FBXL7: variants seen among roughly 807,000 people sequenced by gnomAD.
FBXL7 encodes the protein F-box and leucine rich repeat protein 7.
In FBXL7, 12 loss-of-function variants were observed where a neutral mutation model predicts 38.3. That is an observed-to-expected ratio of 0.31 (90% CI 0.20 to 0.51). FBXL7 has a LOEUF of 0.51. Ranked by LOEUF, FBXL7 falls within the 20% of genes least tolerant of loss-of-function variation. The pLI, the probability that FBXL7 is intolerant of heterozygous loss-of-function variation, is 0.98. For missense variants in FBXL7, 567 were observed against 676.4 expected (o/e 0.84, Z 1.79); for synonymous variants, 297 against 300.9 (o/e 0.99, Z 0.13).
intron 1 of FBXL7, among the ~76,000 whole-genome samples, chr5:15,511,928 A>G (rs373624113): frequency 2.6e-5 from 4 of 152,192 alleles, no homozygotes; most frequent in African/African-American, 7.2e-5. Context: ...GTGAATTACT[A>G]TAAGACAAAA....
At chr5:15,553,047 A>C (rs1439064151) in intron 1 of FBXL7, among the ~76,000 whole-genome samples, 2 of 150,850 alleles carry the variant, frequency 1.3e-5, no homozygotes, top group Non-Finnish European at 1.5e-5. Flanking sequence ...GTGCCACTGC[A>C]CTCCAGCCTG....
At chr5:15,746,717 A>G (rs575780108) in intron 2 of FBXL7, among the ~76,000 whole-genome samples, 9 of 152,188 alleles carry the variant, frequency 5.9e-5, no homozygotes, top group African/African-American at 2.2e-4. Context: ...AAAGTTATGG[A>G]CTAGATAAGA....
At chr5:15,620,653 C>T (rs1265833667) in intron 2 of FBXL7, among the ~76,000 whole-genome samples, 1 of 152,190 alleles carries the variant, frequency 6.6e-6, no homozygotes, top group Non-Finnish European at 1.5e-5. Flanking sequence ...CAGGGTTGCA[C>T]GCTGGCCCCA....
chr5:15,853,923 C>CATAT (rs1465054113), intron 2 of FBXL7, among the ~76,000 whole-genome samples: 1 of 152,184 alleles, frequency 6.6e-6, no homozygotes, highest in Non-Finnish European at 1.5e-5. Flanking sequence ...TCTTGAATGA[C>CATAT]ATATGGATAT....
Position 15,928,930 on chromosome 5 carries a change from C to T in FBXL7, c.739+429C>T, listed in dbSNP as rs1012322820. Among the ~76,000 whole-genome samples the T allele has an allele frequency of 6.6e-6, 1 of 152,128 alleles. No homozygotes were observed. Among genetic ancestry groups the T allele is most frequent in the Non-Finnish European group, 1.5e-5 (1 of 68,030 alleles). On this transcript the variant is annotated intron_variant, in intron 3 of 3. Transcript: ENST00000504595. The surrounding 1 kb of genome is among the most constrained non-coding windows in gnomAD (Gnocchi z 4.0). ...ACGACTTTTAAATGTCTTTACTCTT[C>T]ATAACTCTCACAGTTACTTCAGAGC...
At chr5:15,610,343 A>G (rs369768406) in intron 1 of FBXL7, among the ~76,000 whole-genome samples, 3 of 152,222 alleles carry the variant, frequency 2.0e-5, no homozygotes, top group East Asian at 3.9e-4. Context: ...CAGTGTCACC[A>G]TGGGGTGGCT....
At position 15,927,940 on chromosome 5, in the gene FBXL7, T is replaced by C; in HGVS notation, c.178T>C (p.Cys60Arg). Residue 60 changes from cysteine (C) to arginine (R), a missense_variant, in exon 3 of 4, where the codon TGT becomes CGT. Coordinates refer to ENST00000504595, the MANE Select transcript of FBXL7 (RefSeq NM_012304.5). ...TLSTPSPALI[C>R]PPNLPGFQNG... Reference sequence around the variant, plus strand: ...GAGCACGCCCAGCCCAGCCCTGATATGTCCACCGAATCTCCCAGGATTTCA... The same window carrying C: ...GAGCACGCCCAGCCCAGCCCTGATACGTCCACCGAATCTCCCAGGATTTCA... The C allele has an allele frequency of 1.3e-6, 2 of 1,560,938 alleles. No individual in the cohort carries two copies. The highest frequency in any genetic ancestry group is 1.8e-5 in the Admixed American group (1 of 55,382).
At chr5:15,502,438 C>T (rs1189835400) in intron 1 of FBXL7, among the ~76,000 whole-genome samples, 1 of 152,166 alleles carries the variant, frequency 6.6e-6, no homozygotes. Context: ...TCCTTAAATG[C>T]TACCTCTGCA....
intron 2 of FBXL7, among the ~76,000 whole-genome samples, chr5:15,676,509 A>G (rs566836268): frequency 2.6e-4 from 40 of 152,338 alleles, no homozygotes; most frequent in Admixed American, 2.3e-3. Flanking sequence ...AATCTTACTC[A>G]AGCTTTTCAA....
chr5:15,810,283 G>A (rs758817732), intron 2 of FBXL7, among the ~76,000 whole-genome samples: 2 of 151,890 alleles, frequency 1.3e-5, no homozygotes, highest in Non-Finnish European at 2.9e-5. Flanking sequence ...GTATATGAGC[G>A]GGCACAGTGG....
chr5:15,848,405 G>A (rs958830787), intron 2 of FBXL7, among the ~76,000 whole-genome samples: 1 of 151,786 alleles, frequency 6.6e-6, no homozygotes, highest in Non-Finnish European at 1.5e-5. Flanking sequence ...TTTTTGAGAC[G>A]GAGTCTAGCT....
chr5:15,644,996 C>T (rs901849359), intron 2 of FBXL7, among the ~76,000 whole-genome samples: 3 of 152,066 alleles, frequency 2.0e-5, no homozygotes, highest in Non-Finnish European at 4.4e-5. Flanking sequence ...GTTGACTGAC[C>T]CTGATATTTA....
chr5:15,792,773 A>G (rs1004007193), intron 2 of FBXL7, among the ~76,000 whole-genome samples: 1 of 152,178 alleles, frequency 6.6e-6, no homozygotes, highest in African/African-American at 2.4e-5. Flanking sequence ...TGGTGCCTGC[A>G]GAGAAGCAGT....
chr5:15,557,044 TCTC>T (rs919478518), intron 1 of FBXL7, among the ~76,000 whole-genome samples: 2 of 152,200 alleles, frequency 1.3e-5, no homozygotes, highest in Non-Finnish European at 2.9e-5. Context: ...TTCACGCCAT[TCTC>T]CTGTCTCAGC....
At chr5:15,745,052 C>A (rs977674578) in intron 2 of FBXL7, among the ~76,000 whole-genome samples, 1 of 151,946 alleles carries the variant, frequency 6.6e-6, no homozygotes, top group Non-Finnish European at 1.5e-5. Context: ...GGGGACATAG[C>A]CAAACTATAT....
intron 2 of FBXL7, among the ~76,000 whole-genome samples, chr5:15,633,088 AT>A (rs1741054675): frequency 6.6e-6 from 1 of 152,218 alleles, no homozygotes; most frequent in Non-Finnish European, 1.5e-5. Flanking sequence ...ATGAAGCGGT[AT>A]TTCTTACGTG....
chr5:15,695,266 A>T lies in FBXL7; in HGVS notation c.127+79194A>T, dbSNP rs556242571. Among the ~76,000 whole-genome samples the T allele has an allele frequency of 3.3e-5, 5 of 152,104 alleles. No individual in the cohort carries two copies. In the South Asian group the frequency reaches 1.0e-3, roughly 32 times the overall value. ...ATGAATAGGAATCCTCCCCCAAAAC[A>T]GCTCCCTGTGTCAGACCCTCCCTGG... On this transcript the variant is annotated intron_variant, in intron 2 of 3. Transcript: ENST00000504595.
Position 15,687,320 on chromosome 5 carries a change from C to G in FBXL7, c.127+71248C>G, listed in dbSNP as rs145099614. Among the ~76,000 whole-genome samples, 1,393 of 152,280 alleles carry G rather than the reference C, an allele frequency of 9.1e-3. 12 individuals carry two copies. Among genetic ancestry groups the G allele is most frequent in the South Asian group, 0.025 (122 of 4,822 alleles). On this transcript the variant is annotated intron_variant, in intron 2 of 3. Coordinates refer to ENST00000504595, the MANE Select transcript of FBXL7 (RefSeq NM_012304.5). ...ACATCTGAGCTTAACTCTTGGCATC[C>G]TGGTAGTAGTTTTACAGAATCCAAA...
chr5:15,747,037 G>A (rs1317987197), intron 2 of FBXL7, among the ~76,000 whole-genome samples: 1 of 152,164 alleles, frequency 6.6e-6, no homozygotes, highest in Non-Finnish European at 1.5e-5. Context: ...GGATCATGCT[G>A]TTAGTCACAC....
Sources: allele counts gnomAD v4.1 joint callset (sites outside exome capture counted in the v4.1 genomes callset), GRCh38; gene constraint gnomAD v4.1.1; non-coding constraint Gnocchi (gnomAD v3.1); transcripts MANE v1.5; gene names NCBI Gene and HGNC (gene_info 2026-07-23, HGNC 2026-07-21).